SMG6: variants seen among roughly 807,000 people sequenced by gnomAD.
SMG6 encodes the protein SMG6 nonsense mediated mRNA decay factor.
A neutral mutation model predicts 142.2 loss-of-function variants in SMG6; 66 were observed. The observed-to-expected ratio is 0.46, with a 90% confidence interval of 0.38 to 0.57. The LOEUF (loss-of-function observed/expected upper bound fraction) is 0.57, where lower values mean the gene tolerates loss of function less well. SMG6 is among the 20% of genes least tolerant of loss of function. The probability of loss-of-function intolerance (pLI) is 0.00; values close to 1 mark genes in which losing one functional copy is unlikely to be tolerated. For synonymous variants in SMG6, 779 were observed against 702.4 expected (o/e 1.11, Z -1.72); for missense variants, 1,793 against 1,832.0 (o/e 0.98, Z 0.39).
intron 10 of SMG6, among the ~76,000 whole-genome samples, chr17:2,200,362 AT>A (rs1159007401): frequency 1.3e-5 from 2 of 151,786 alleles, no homozygotes; most frequent in East Asian, 3.8e-4. Context: ...TGTATTCCTT[AT>A]TTTTTTTAAT....
chr17:2,183,194 C>T (rs542307340), intron 12 of SMG6, among the ~76,000 whole-genome samples: 10 of 151,722 alleles, frequency 6.6e-5, no homozygotes, highest in Non-Finnish European at 1.5e-4. Context: ...CCACTGCCGT[C>T]CACCCTGGGT....
chr17:2,064,209 A>G (rs527582002), intron 18 of SMG6, among the ~76,000 whole-genome samples: 58 of 152,280 alleles, frequency 3.8e-4, no homozygotes, highest in African/African-American at 1.3e-3. Context: ...GACAGAAACG[A>G]AACGGTGAGA....
At chr17:2,254,413 C>T (rs2074117754) in intron 8 of SMG6, among the ~76,000 whole-genome samples, 1 of 152,238 alleles carries the variant, frequency 6.6e-6, no homozygotes, top group Non-Finnish European at 1.5e-5. Context: ...CAGCTCACTG[C>T]AACCTCCGCC....
At chr17:2,155,054 A>C (rs1373246732) in intron 13 of SMG6, among the ~76,000 whole-genome samples, 1 of 122,736 alleles carries the variant, frequency 8.1e-6, no homozygotes, top group Non-Finnish European at 1.7e-5. Flanking sequence ...TGAGAAAAAA[A>C]ATTTTTTTTT....
chr17:2,202,533 T>C (rs963511225), intron 10 of SMG6, among the ~76,000 whole-genome samples: 4 of 151,778 alleles, frequency 2.6e-5, no homozygotes, highest in Admixed American at 6.6e-5. Context: ...GCCTGGGTGA[T>C]AGAGCAAGAC....
intron 13 of SMG6, among the ~76,000 whole-genome samples, chr17:2,128,581 G>A (rs1003614327): frequency 2.6e-5 from 4 of 152,076 alleles, no homozygotes; most frequent in African/African-American, 9.7e-5. Flanking sequence ...GCCTCTCCAA[G>A]CATTGTATAC....
At chr17:2,171,351 G>C (rs1339248424) in intron 13 of SMG6, among the ~76,000 whole-genome samples, 3 of 64,306 alleles carry the variant, frequency 4.7e-5, no homozygotes, top group Non-Finnish European at 8.3e-5. Context: ...TATTGAAAAT[G>C]AAAGAGTGTG....
At chr17:2,139,622 T>C (rs1055246649) in intron 13 of SMG6, among the ~76,000 whole-genome samples, 1 of 151,842 alleles carries the variant, frequency 6.6e-6, no homozygotes, top group East Asian at 1.9e-4. Flanking sequence ...GGTTTCGCCA[T>C]GTTGGCCAGG....
At chr17:2,109,944 G>A (rs542963184) in intron 13 of SMG6, among the ~76,000 whole-genome samples, 18 of 152,098 alleles carry the variant, frequency 1.2e-4, no homozygotes, top group Admixed American at 3.3e-4. Flanking sequence ...TTAGCCAGGC[G>A]TGGTGGTGCA....
chr17:2,172,968 T>C (rs1471220028), intron 12 of SMG6, 109 bp from the exon 13 acceptor site: 2 of 1,080,500 alleles, frequency 1.9e-6, no homozygotes, highest in Non-Finnish European at 2.7e-6. Flanking sequence ...TTGTCTAGGC[T>C]GGCATCTGCC....
At chr17:2,066,333 T>TGTATATGCGTGTATGTGTGTAC (rs1227608255) in intron 16 of SMG6, among the ~76,000 whole-genome samples, 7 of 151,658 alleles carry the variant, frequency 4.6e-5, no homozygotes, top group Non-Finnish European at 8.8e-5. Context: ...CATGTGTGTA[T>TGTATATGCGTGTATGTGTGTAC]GTGTATGCGT....
At chr17:2,077,087 C>T (rs189994133) in intron 15 of SMG6, among the ~76,000 whole-genome samples, 5 of 152,290 alleles carry the variant, frequency 3.3e-5, no homozygotes, top group Middle Eastern at 3.4e-3. Flanking sequence ...GCGTTTTGTA[C>T]GGACGCTCAT....
intron 13 of SMG6, among the ~76,000 whole-genome samples, chr17:2,112,845 C>T (rs576701043): frequency 6.7e-6 from 1 of 149,784 alleles, no homozygotes; most frequent in East Asian, 2.0e-4. Context: ...GCAACCTCTG[C>T]CTCCCAGGCT....
chr17:2,125,284 C>A (rs1302456289), intron 13 of SMG6, among the ~76,000 whole-genome samples: 1 of 152,122 alleles, frequency 6.6e-6, no homozygotes, highest in African/African-American at 2.4e-5. Context: ...TATTTATTCA[C>A]CCTTCTAACC....
At chr17:2,141,610 T>A (rs1416462718) in intron 13 of SMG6, among the ~76,000 whole-genome samples, 1 of 152,042 alleles carries the variant, frequency 6.6e-6, no homozygotes, top group Non-Finnish European at 1.5e-5. Context: ...CCGCTAATTT[T>A]TAAAAAATTT....
intron 13 of SMG6, among the ~76,000 whole-genome samples, chr17:2,149,390 A>G (rs376707220): frequency 3.3e-5 from 5 of 151,476 alleles, no homozygotes; most frequent in African/African-American, 1.2e-4. Flanking sequence ...AAAATGGTAA[A>G]TTTTATCTTA....
At chr17:2,195,107 G>A (rs761933340) in intron 10 of SMG6, among the ~76,000 whole-genome samples, 2 of 152,168 alleles carry the variant, frequency 1.3e-5, no homozygotes, top group Non-Finnish European at 2.9e-5. Context: ...CACTTCATTT[G>A]TTTCCAATTC....
chr17:2,282,593 G>A, intron 8 of SMG6, 54 bp downstream of exon 8: 2 of 1,567,736 alleles, frequency 1.3e-6, no homozygotes, highest in East Asian at 2.2e-5. Context: ...ATGAACCAGG[G>A]CACCCAGGCT....
At chr17:2,139,757 GCT>G (rs1418518767) in intron 13 of SMG6, among the ~76,000 whole-genome samples, 1 of 142,224 alleles carries the variant, frequency 7.0e-6, no homozygotes, top group African/African-American at 2.6e-5. Flanking sequence ...ATGGAGTTTC[GCT>G]CTGTCACCCA....
Sources: allele counts gnomAD v4.1 joint callset (sites outside exome capture counted in the v4.1 genomes callset), GRCh38; gene constraint gnomAD v4.1.1; transcripts MANE v1.5; gene names NCBI Gene and HGNC (gene_info 2026-07-23, HGNC 2026-07-21).